The following ROR2 variants were observed in gnomAD, a reference collection of about 807,000 sequenced individuals.
ROR2 encodes ROR family WNT receptor 2.
A neutral mutation model predicts 74.9 loss-of-function variants in ROR2; 33 were observed. That is an observed-to-expected ratio of 0.44 (90% CI 0.33 to 0.59). ROR2 has a LOEUF of 0.59. Among genes scored for constraint, ROR2 ranks in the 20% least tolerant of loss-of-function variants. ROR2 has a pLI of 0.02. For missense variants in ROR2, 1,216 were observed against 1,313.8 expected, an observed-to-expected ratio of 0.93 and a Z score of 1.15; for synonymous variants, 586 against 558.7, an observed-to-expected ratio of 1.05 and a Z score of -0.69.
chr9:91,880,033 C>T (rs1006922410), intron 1 of ROR2, among the ~76,000 whole-genome samples: 48 of 152,172 alleles, frequency 3.2e-4, no homozygotes, highest in African/African-American at 1.1e-3. Context: ...CTCCAAAATT[C>T]GTATGTTGAA....
chr9:91,829,749 C>T (rs1828404914), intron 1 of ROR2, among the ~76,000 whole-genome samples: 1 of 152,074 alleles, frequency 6.6e-6, no homozygotes, highest in Non-Finnish European at 1.5e-5. Context: ...AACCAAGATC[C>T]ATACGAATCT....
chr9:91,875,999 C>A (rs1829945745), intron 1 of ROR2, among the ~76,000 whole-genome samples: 2 of 151,584 alleles, frequency 1.3e-5, no homozygotes, highest in African/African-American at 4.9e-5. Flanking sequence ...GAGCTCGGAG[C>A]AGACCTGGCA....
At chr9:91,768,706 C>T (rs1225785427) in intron 2 of ROR2, among the ~76,000 whole-genome samples, 1 of 152,180 alleles carries the variant, frequency 6.6e-6, no homozygotes, top group East Asian at 1.9e-4. Flanking sequence ...TCAGCCTCAT[C>T]GATGGCAGGA....
intron 1 of ROR2, among the ~76,000 whole-genome samples, chr9:91,876,271 A>C (rs899767245): frequency 1.6e-4 from 25 of 152,106 alleles, no homozygotes; most frequent in Admixed American, 5.2e-4. Context: ...CGAGAGACTG[A>C]GGCAGGAGAA....
intron 8 of ROR2, among the ~76,000 whole-genome samples, chr9:91,725,829 T>C (rs557872618): frequency 6.6e-6 from 1 of 152,234 alleles, no homozygotes; most frequent in South Asian, 2.1e-4. Context: ...CCCGGGGCTC[T>C]GTGCCCTCCT....
chr9:91,940,532 C>G (rs1831821031), intron 1 of ROR2, among the ~76,000 whole-genome samples: 1 of 151,908 alleles, frequency 6.6e-6, no homozygotes, highest in Admixed American at 6.6e-5. Context: ...TCAAAAGCAC[C>G]TGGATCGCAT....
At chr9:91,740,119 C>A (rs1356272909) in intron 4 of ROR2, among the ~76,000 whole-genome samples, 1 of 152,116 alleles carries the variant, frequency 6.6e-6, no homozygotes, top group Non-Finnish European at 1.5e-5. Flanking sequence ...TTCTCCCTGG[C>A]CGCTGGTCAG....
At chr9:91,787,963 A>G (rs1183838555) in intron 1 of ROR2, among the ~76,000 whole-genome samples, 1 of 152,184 alleles carries the variant, frequency 6.6e-6, no homozygotes, top group Non-Finnish European at 1.5e-5. Flanking sequence ...AAAAATAAAG[A>G]AAAGGATATG....
chr9:91,925,051 T>A (rs563100681), intron 1 of ROR2, among the ~76,000 whole-genome samples: 133 of 152,190 alleles, frequency 8.7e-4, no homozygotes, highest in African/African-American at 2.8e-3. Flanking sequence ...AGGATCCCAC[T>A]ATGTTGCCCA....
intron 1 of ROR2, among the ~76,000 whole-genome samples, chr9:91,810,623 G>A (rs1827718704): frequency 6.6e-6 from 1 of 152,186 alleles, no homozygotes; most frequent in South Asian, 2.1e-4. Context: ...CTCAGACAGG[G>A]CATTCACACA....
intron 1 of ROR2, among the ~76,000 whole-genome samples, chr9:91,902,488 T>C (rs1014269345): frequency 1.3e-5 from 2 of 151,972 alleles, no homozygotes; most frequent in Admixed American, 6.6e-5. Context: ...CAGTTCCCGA[T>C]GGGGAGCTGG....
intron 1 of ROR2, among the ~76,000 whole-genome samples, chr9:91,827,412 G>A (rs1023406335): frequency 8.1e-4 from 123 of 152,032 alleles, no homozygotes; most frequent in African/African-American, 2.8e-3. Context: ...ACCCCAACTC[G>A]TAAATAAATA....
At chr9:91,774,320 C>T (rs1329548802) in intron 2 of ROR2, among the ~76,000 whole-genome samples, 1 of 152,174 alleles carries the variant, frequency 6.6e-6, no homozygotes, top group Admixed American at 6.5e-5. Flanking sequence ...AACTGACCTC[C>T]ATGAGGAAGC....
chr9:91,786,372 A>G (rs970422253), intron 1 of ROR2, among the ~76,000 whole-genome samples: 2 of 141,684 alleles, frequency 1.4e-5, no homozygotes, highest in Non-Finnish European at 3.2e-5. Flanking sequence ...ATAAATAAAT[A>G]AATAAATAAA....
At chr9:91,802,218 C>T (rs991472692) in intron 1 of ROR2, among the ~76,000 whole-genome samples, 2 of 151,570 alleles carry the variant, frequency 1.3e-5, no homozygotes, top group Non-Finnish European at 2.9e-5. Flanking sequence ...GGACTACAGG[C>T]GCCCGCCACC....
intron 4 of ROR2, among the ~76,000 whole-genome samples, chr9:91,755,219 C>G (rs983447731): frequency 7.9e-5 from 12 of 152,190 alleles, no homozygotes; most frequent in African/African-American, 1.7e-4. Flanking sequence ...CAGGTCGCTG[C>G]CCTGCCCAGC....
At chr9:91,873,222 T>C (rs956602165) in intron 1 of ROR2, among the ~76,000 whole-genome samples, 10 of 151,924 alleles carry the variant, frequency 6.6e-5, no homozygotes, top group Non-Finnish European at 1.3e-4. Context: ...TACCACTGCC[T>C]GTGTGCATCG....
At chr9:91,848,951 C>G (rs957429630) in intron 1 of ROR2, among the ~76,000 whole-genome samples, 3 of 152,112 alleles carry the variant, frequency 2.0e-5, no homozygotes, top group Non-Finnish European at 1.5e-5. Flanking sequence ...GTATTATTGT[C>G]TAGGAACATC....
intron 4 of ROR2, among the ~76,000 whole-genome samples, chr9:91,754,195 T>C (rs1480569094): frequency 6.6e-6 from 1 of 151,070 alleles, no homozygotes; most frequent in South Asian, 2.1e-4. Context: ...GTGAAATAAT[T>C]TATATAAATA....
Sources: gnomAD v4.1 joint callset for allele counts (sites outside exome capture counted in the v4.1 genomes callset) on GRCh38, gnomAD v4.1.1 for gene constraint, MANE v1.5 for transcripts, NCBI Gene and HGNC (gene_info 2026-07-23, HGNC 2026-07-21) for gene names.